PPM1L: variants seen among roughly 807,000 people sequenced by gnomAD.
PPM1L encodes protein phosphatase, Mg2+/Mn2+ dependent 1L, also known as protein phosphatase 1L.
Under a neutral mutation model 31.4 loss-of-function variants are expected in PPM1L, and 13 were observed. The observed-to-expected ratio is 0.41, with a 90% CI of 0.27 to 0.66. The LOEUF (loss-of-function observed/expected upper bound fraction) is 0.66, where lower values mean the gene tolerates loss of function less well. Among genes scored for constraint, PPM1L ranks in the 30% least tolerant of loss-of-function variants. The pLI, the probability that PPM1L is intolerant of heterozygous loss-of-function variation, is 0.29. For synonymous variants in PPM1L, 184 were observed against 175.4 expected, an observed-to-expected ratio of 1.05 and a Z score of -0.39; for missense variants, 326 against 453.7, an observed-to-expected ratio of 0.72 and a Z score of 2.56.
At chr3:160,774,424 A>G (rs371884461) in intron 1 of PPM1L, among the ~76,000 whole-genome samples, 3 of 152,074 alleles carry the variant, frequency 2.0e-5, no homozygotes, top group Non-Finnish European at 2.9e-5. Context: ...CTCTTCTTCA[A>G]TCCGCTCAGT....
At chr3:160,851,763 C>T (rs1017685040) in intron 1 of PPM1L, among the ~76,000 whole-genome samples, 9 of 151,902 alleles carry the variant, frequency 5.9e-5, no homozygotes, top group African/African-American at 1.5e-4. Flanking sequence ...GAGAGGCAAG[C>T]CAGGAAATGG....
intron 1 of PPM1L, among the ~76,000 whole-genome samples, chr3:160,898,504 A>G (rs1713422975): frequency 6.6e-6 from 1 of 152,202 alleles, no homozygotes; most frequent in Non-Finnish European, 1.5e-5. Flanking sequence ...ATTCCTAACA[A>G]GTTATCCAAC....
intron 1 of PPM1L, among the ~76,000 whole-genome samples, chr3:160,814,528 TATGTATGTATGTGTATATATAC>T (rs1560114692): frequency 7.3e-5 from 7 of 95,464 alleles, no homozygotes; most frequent in African/African-American, 3.4e-4. Context: ...TACACACACA[TATGTATGTATGTGTATATATAC>T]ACACACACAT....
chr3:161,043,978 T>C (rs2108091275), intron 2 of PPM1L, among the ~76,000 whole-genome samples: 1 of 152,304 alleles, frequency 6.6e-6, no homozygotes, highest in African/African-American at 2.4e-5. Flanking sequence ...ATTAAAAATA[T>C]TTTATACCTC....
At chr3:161,028,134 AG>A (rs1266262569) in intron 2 of PPM1L, among the ~76,000 whole-genome samples, 1 of 152,214 alleles carries the variant, frequency 6.6e-6, no homozygotes, top group Non-Finnish European at 1.5e-5. Flanking sequence ...GAAATCATAA[AG>A]TAATAGAATT....
At chr3:161,065,002 A>G (rs1467220260) in intron 2 of PPM1L, among the ~76,000 whole-genome samples, 1 of 151,562 alleles carries the variant, frequency 6.6e-6, no homozygotes, top group East Asian at 2.0e-4. Context: ...CCCACCGCAC[A>G]CCCCCATCCT....
At chr3:160,983,534 C>G (rs1279397124) in intron 2 of PPM1L, among the ~76,000 whole-genome samples, 1 of 152,174 alleles carries the variant, frequency 6.6e-6, no homozygotes, top group Non-Finnish European at 1.5e-5. Flanking sequence ...CTGTAAATCC[C>G]TGACTAGCTA....
chr3:160,930,010 C>T (rs1162404434), intron 1 of PPM1L, among the ~76,000 whole-genome samples: 1 of 152,182 alleles, frequency 6.6e-6, no homozygotes, highest in Non-Finnish European at 1.5e-5. Context: ...CCCACGTCAC[C>T]ATCACTCATC....
intron 1 of PPM1L, among the ~76,000 whole-genome samples, chr3:160,849,453 G>A (rs1311240058): frequency 1.3e-5 from 2 of 149,406 alleles, no homozygotes; most frequent in Admixed American, 6.7e-5. Flanking sequence ...TCGCTCTGTC[G>A]CCCAGGCTGG....
At chr3:160,800,486 A>C (rs1234514914) in intron 1 of PPM1L, among the ~76,000 whole-genome samples, 1 of 152,134 alleles carries the variant, frequency 6.6e-6, no homozygotes, top group Admixed American at 6.5e-5. Flanking sequence ...AGATTTTCTT[A>C]GTAACCTAAA....
chr3:160,836,831 CAT>C (rs902295254), intron 1 of PPM1L, among the ~76,000 whole-genome samples: 8 of 152,156 alleles, frequency 5.3e-5, no homozygotes, highest in African/African-American at 1.4e-4. Context: ...TTACCAATCT[CAT>C]GTGACAAAGA....
intron 1 of PPM1L, among the ~76,000 whole-genome samples, chr3:160,855,247 T>G (rs1316331970): frequency 1.3e-5 from 2 of 152,122 alleles, no homozygotes; most frequent in African/African-American, 2.4e-5. Context: ...AAGACTTAAA[T>G]ATAAAACCTA....
In PPM1L at chr3:161,057,773, C is replaced by A. The variant is rs568941825; in HGVS notation, c.575-7630C>A. Among the ~76,000 whole-genome samples, 256 of 152,044 alleles carry A rather than the reference C, an allele frequency of 1.7e-3. 1 individual carries two copies. The highest frequency in any genetic ancestry group is 3.4e-3 in the Middle Eastern group (1 of 294). On this transcript the variant is annotated intron_variant, in intron 2 of 3. Transcript: ENST00000498165. Reference sequence around the variant, plus strand: ...ACGTGTTCTCCCATTTGTCACAAGCCCCCCCGACTCCCTTTTGTAGCCCCA... The same window carrying A: ...ACGTGTTCTCCCATTTGTCACAAGCACCCCCGACTCCCTTTTGTAGCCCCA...
chr3:161,076,533 A>G lies in PPM1L; in HGVS notation c.*7376A>G, dbSNP rs1214003287. Reference sequence around the variant, plus strand: ...GTGTTTGTTCTTTTTAATTTATTACATGTTCACATTGAAACATTAACATCT... The same window carrying G: ...GTGTTTGTTCTTTTTAATTTATTACGTGTTCACATTGAAACATTAACATCT... On this transcript the variant is annotated 3_prime_UTR_variant, in exon 4 of 4. Transcript: ENST00000498165. The G allele has an allele frequency of 6.6e-6, 1 of 152,226 alleles. No homozygotes were observed. The highest frequency in any genetic ancestry group is 1.5e-5 in the Non-Finnish European group (1 of 68,044). 9.4% of individuals were successfully genotyped at this position (152,226 alleles called of 1,614,324 possible). A position where few individuals can be genotyped will look rare whatever the true frequency, so the allele number is the denominator to read the frequency against.
rs1277488249 is a variant in PPM1L at position 161,072,797 on chromosome 3, A to G, written c.*3640A>G. The G allele has an allele frequency of 1.3e-5, 2 of 152,052 alleles. No homozygotes were observed. Among genetic ancestry groups the G allele is most frequent in the Non-Finnish European group, 2.9e-5 (2 of 68,030 alleles). 9.4% of individuals were successfully genotyped at this position (152,052 alleles called of 1,614,324 possible). On this transcript the variant is annotated 3_prime_UTR_variant, in exon 4 of 4. Transcript: ENST00000498165. The stretch of plus-strand genomic sequence containing the variant: ...AAGGTCTGTGTTTAGAAAAGGCAGC[A>G]TATCATTGTATATTTGAAACTATAG...
chr3:161,030,045 T>C (rs1458205768), intron 2 of PPM1L, among the ~76,000 whole-genome samples: 77 of 152,332 alleles, frequency 5.1e-4, no homozygotes, highest in Non-Finnish European at 1.2e-4. Flanking sequence ...GAGTAGACTT[T>C]GAGCTGCTTC....
intron 1 of PPM1L, among the ~76,000 whole-genome samples, chr3:160,910,603 G>A (rs771630067): frequency 8.5e-5 from 13 of 152,106 alleles, no homozygotes; most frequent in Non-Finnish European, 1.5e-4. Flanking sequence ...GAGCTATCGC[G>A]CCTGGCCGGA....
intron 2 of PPM1L, among the ~76,000 whole-genome samples, chr3:160,979,977 T>C (rs1391551013): frequency 1.3e-5 from 2 of 152,082 alleles, no homozygotes; most frequent in East Asian, 3.9e-4. Flanking sequence ...GTCCAAGGCA[T>C]GCCTGGACAC....
In PPM1L at chr3:160,814,705, A is replaced by ATATATG. The variant is rs144449211; in HGVS notation, c.399+58003_399+58004insGTATAT. On this transcript the variant is annotated intron_variant, in intron 1 of 3. Transcript: ENST00000498165. ...TGGTATATACCATACGTATATGTGT[A>ATATATG]TATATATGTGTATGTATACGTGTAT... Among the ~76,000 whole-genome samples, 495 of 146,608 alleles carry ATATATG rather than the reference A, an allele frequency of 3.4e-3. 18 individuals carry two copies. In the South Asian group the frequency reaches 0.042, roughly 12 times the overall value.
Sources: allele counts gnomAD v4.1 joint callset (sites outside exome capture counted in the v4.1 genomes callset), GRCh38; gene constraint gnomAD v4.1.1; transcripts MANE v1.5; gene names NCBI Gene and HGNC (gene_info 2026-07-23, HGNC 2026-07-21).